The following THOC3 variants were observed in gnomAD, a reference collection of about 807,000 sequenced individuals.
THOC3 encodes the protein TEX1 homolog.
In THOC3, 4 loss-of-function variants were observed where a neutral mutation model predicts 23.3. The ratio of observed to expected loss-of-function variants is 0.17; its 90% CI spans 0.08 to 0.39. The LOEUF (loss-of-function observed/expected upper bound fraction) is 0.39, where lower values mean the gene tolerates loss of function less well. Ranked by LOEUF, THOC3 falls within the 10% of genes least tolerant of loss-of-function variation. The pLI is 1.00. For synonymous variants in THOC3, 27 were observed against 141.5 expected (o/e 0.19, Z 5.74); for missense variants, 64 against 359.4 (o/e 0.18, Z 6.65).
intron 3 of THOC3, among the ~76,000 whole-genome samples, chr5:175,962,659 G>T (rs1312469906): frequency 7.0e-6 from 1 of 143,248 alleles, no homozygotes; most frequent in Non-Finnish European, 1.5e-5. Flanking sequence ...CAAGCAGCTG[G>T]GAATATACAC....
At chr5:175,967,069 C>G (rs1371578507) in intron 2 of THOC3, 42 bp downstream of exon 2, 1 of 1,220,446 alleles carries the variant, frequency 8.2e-7, no homozygotes, top group Admixed American at 1.7e-5. Flanking sequence ...TGAATGAATC[C>G]AAACAGCTTA....
intron 3 of THOC3, among the ~76,000 whole-genome samples, chr5:175,964,440 G>A (rs1252841308): frequency 1.3e-5 from 2 of 152,254 alleles, no homozygotes; most frequent in Non-Finnish European, 2.9e-5. Flanking sequence ...CCAACATGGA[G>A]AAACCCTAAA....
chr5:175,968,313 T>C lies in THOC3; in HGVS notation c.-105A>G. 6.5e-7 allele frequency: 1 copy of C among 1,527,996 alleles called. No individual in the cohort carries two copies. 94.7% of individuals were successfully genotyped at this position (1,527,996 alleles called of 1,614,324 possible). ...ATGCGCCCGGAAGAGCGACGGCCCC[T>C]CTGCGCAGGCGCGCTGTACCCCGCC... On this transcript the variant is annotated 5_prime_UTR_variant, in exon 1 of 6. Coordinates refer to ENST00000265097, the MANE Select transcript of THOC3 (RefSeq NM_032361.4).
rs1230816985 is a variant in THOC3 at position 175,967,941 on chromosome 5, C to A, written c.267+1G>T. 1 of 1,560,960 alleles carries A rather than the reference C, an allele frequency of 6.4e-7. No homozygotes were observed. The highest frequency in any genetic ancestry group is 2.3e-5 in the East Asian group (1 of 42,996). ...GCCTGAGCCGAGCCCCGGCAGCTCA[C>A]CAACCGGTCCTTCTCCAGCAAGAAG... On this transcript the variant is annotated splice_donor_variant, in intron 1 of 5. Transcript: ENST00000265097. LOFTEE classifies it high-confidence loss of function.
intron 3 of THOC3, among the ~76,000 whole-genome samples, chr5:175,963,289 A>C (rs1320097092): frequency 6.6e-6 from 1 of 152,286 alleles, no homozygotes; most frequent in African/African-American, 2.4e-5. Context: ...GAATCTCCAC[A>C]GGTTAACAGT....
intron 3 of THOC3, 94 bp downstream of exon 3, chr5:175,964,857 C>T (rs1756734796): frequency 1.7e-6 from 1 of 577,040 alleles, no homozygotes; most frequent in Non-Finnish European, 3.0e-6. Context: ...GTGTTTTAAG[C>T]TCCTTCAGGA....
intron 3 of THOC3, among the ~76,000 whole-genome samples, chr5:175,964,207 A>G (rs548738615): frequency 2.6e-5 from 4 of 152,402 alleles, no homozygotes; most frequent in Non-Finnish European, 4.4e-5. Context: ...AGGAATTCAC[A>G]GTCTAACAGG....
At chr5:175,964,417 G>T (rs1463531732) in intron 3 of THOC3, among the ~76,000 whole-genome samples, 1 of 152,274 alleles carries the variant, frequency 6.6e-6, no homozygotes, top group East Asian at 1.9e-4. Context: ...TCGGGAGTTG[G>T]AGACCAGCCT....
intron 3 of THOC3, among the ~76,000 whole-genome samples, chr5:175,964,160 T>C (rs1486774971): frequency 3.3e-5 from 5 of 152,230 alleles, no homozygotes; most frequent in African/African-American, 4.8e-5. Flanking sequence ...CATTAGGGAC[T>C]CAACACTAAA....
Position 175,968,239 on chromosome 5 carries a change from C to G in THOC3, c.-31G>C. 6.5e-7 allele frequency: 1 copy of G among 1,541,648 alleles called. No individual in the cohort carries two copies. The highest frequency in any genetic ancestry group is 2.4e-5 in the East Asian group (1 of 41,438). On this transcript the variant is annotated 5_prime_UTR_variant, in exon 1 of 6. Transcript: ENST00000265097. ...GCTCCCCAGCTTCCAACTCACAACA[C>G]TGCAGCAGCCTCCACGGCGCAGTCA...
At chr5:175,965,625 C>A (rs1306497560) in intron 2 of THOC3, among the ~76,000 whole-genome samples, 4 of 152,236 alleles carry the variant, frequency 2.6e-5, no homozygotes, top group African/African-American at 7.2e-5. Flanking sequence ...CGGGGTTTCA[C>A]CGTGTTAGCC....
intron 2 of THOC3, among the ~76,000 whole-genome samples, chr5:175,966,443 C>G (rs1756768498): frequency 2.0e-5 from 3 of 151,908 alleles, no homozygotes. Flanking sequence ...ATCTCACCAA[C>G]TTTTTCCATT....
At chr5:175,963,172 A>G (rs1299691555) in intron 3 of THOC3, among the ~76,000 whole-genome samples, 4 of 152,258 alleles carry the variant, frequency 2.6e-5, no homozygotes, top group Non-Finnish European at 4.4e-5. Flanking sequence ...CCTTCCCTAC[A>G]TGAACTACAC....
intron 3 of THOC3, among the ~76,000 whole-genome samples, chr5:175,964,009 T>C (rs1167288729): frequency 6.6e-6 from 1 of 152,304 alleles, no homozygotes; most frequent in African/African-American, 2.4e-5. Flanking sequence ...ACAGAACCTA[T>C]CTCACTTGGT....
intron 3 of THOC3, among the ~76,000 whole-genome samples, chr5:175,964,373 C>A (rs1411226406): frequency 6.6e-6 from 1 of 152,250 alleles, no homozygotes; most frequent in Non-Finnish European, 1.5e-5. Flanking sequence ...TTTAAGAGTA[C>A]GAATTAGCCA....
intron 3 of THOC3, among the ~76,000 whole-genome samples, chr5:175,964,489 T>C (rs1756727907): frequency 6.6e-6 from 1 of 152,200 alleles, no homozygotes; most frequent in African/African-American, 2.4e-5. Flanking sequence ...TGGTGGCACA[T>C]GCCTCTAATC....
At position 175,967,946 on chromosome 5, in the gene THOC3, CG is replaced by C. The variant is rs1331656054; in HGVS notation, c.262del (p.Arg88GlyfsTer42). On this transcript the variant is annotated frameshift_variant, in exon 1 of 6. Transcript: ENST00000265097. LOFTEE classifies it high-confidence loss of function. The stretch of plus-strand genomic sequence containing the variant: ...AGCCGAGCCCCGGCAGCTCACCAAC[CG>C]GTCCTTCTCCAGCAAGAAGACGCTG... ...TASVFLLEKD[R>X]LVKENNYRGH... is the part of the protein sequence containing the mutation. The C allele has an allele frequency of 6.4e-7, 1 of 1,564,734 alleles. No homozygotes were observed. Among genetic ancestry groups the C allele is most frequent in the Non-Finnish European group, 8.7e-7 (1 of 1,155,614 alleles).
chr5:175,963,433 A>G (rs866794803), intron 3 of THOC3, among the ~76,000 whole-genome samples: 47 of 151,912 alleles, frequency 3.1e-4, no homozygotes, highest in Middle Eastern at 3.4e-3. Flanking sequence ...TAGATAAACT[A>G]TGAAGAAACA....
At chr5:175,961,984 T>C (rs1424213319) in intron 3 of THOC3, among the ~76,000 whole-genome samples, 1 of 149,238 alleles carries the variant, frequency 6.7e-6, no homozygotes, top group Non-Finnish European at 1.5e-5. Flanking sequence ...TAGAGACTTA[T>C]AAGGACTGGT....
Sources: allele counts gnomAD v4.1 joint callset (sites outside exome capture counted in the v4.1 genomes callset), GRCh38; gene constraint gnomAD v4.1.1; transcripts MANE v1.5; gene names NCBI Gene and HGNC (gene_info 2026-07-23, HGNC 2026-07-21).